The following CHODL variants were observed in gnomAD, a reference collection of about 807,000 sequenced individuals.
The protein encoded by CHODL is chondrolectin, also known as transmembrane protein MT75.
Under a neutral mutation model 34.5 loss-of-function variants are expected in CHODL, and 29 were observed. The observed-to-expected ratio is 0.84, with a 90% CI of 0.63 to 1.15. The LOEUF is 1.15. Among genes scored for constraint, CHODL ranks in the 50% most tolerant of loss-of-function variants. The pLI is 0.00. For missense variants in CHODL, 332 were observed against 332.5 expected (o/e 1.00, Z 0.01); for synonymous variants, 125 against 116.1 (o/e 1.08, Z -0.49).
intron 2 of CHODL, among the ~76,000 whole-genome samples, chr21:18,161,417 G>C (rs760477176): frequency 6.6e-6 from 1 of 152,076 alleles, no homozygotes; most frequent in Non-Finnish European, 1.5e-5. Flanking sequence ...TTCCAATTAA[G>C]TTGTAATCAT....
chr21:18,082,802 C>T (rs1015426284), intron 2 of CHODL, among the ~76,000 whole-genome samples: 3 of 151,968 alleles, frequency 2.0e-5, no homozygotes, highest in African/African-American at 4.8e-5. Flanking sequence ...CCTGGCTGCT[C>T]CTAACAGTGT....
intron 1 of CHODL, among the ~76,000 whole-genome samples, chr21:18,019,281 A>G (rs1229740809): frequency 6.6e-6 from 1 of 152,178 alleles, no homozygotes; most frequent in Non-Finnish European, 1.5e-5. Context: ...GGAAAGACCT[A>G]TATAGAGAAT....
intron 2 of CHODL, among the ~76,000 whole-genome samples, chr21:18,187,514 A>G (rs1000879539): frequency 1.3e-5 from 2 of 152,122 alleles, no homozygotes; most frequent in African/African-American, 4.8e-5. Context: ...TTATTGTGAT[A>G]TTATAGTTTA....
At chr21:18,152,500 G>A (rs988649823) in intron 2 of CHODL, among the ~76,000 whole-genome samples, 3 of 152,202 alleles carry the variant, frequency 2.0e-5, no homozygotes, top group African/African-American at 7.2e-5. Context: ...GCTCATTGAA[G>A]TTGTTGGAAT....
chr21:18,120,934 T>A (rs1257882449), intron 2 of CHODL, among the ~76,000 whole-genome samples: 2 of 152,230 alleles, frequency 1.3e-5, no homozygotes, highest in Non-Finnish European at 1.5e-5. Context: ...TTAGGGAAGA[T>A]GGCATGACAA....
intron 1 of CHODL, among the ~76,000 whole-genome samples, chr21:17,943,624 C>A (rs755994570): frequency 1.3e-5 from 2 of 152,204 alleles, no homozygotes; most frequent in Non-Finnish European, 2.9e-5. Flanking sequence ...CTTTCAAAAA[C>A]CGGAACACCT....
At chr21:18,145,345 G>T (rs2072864384) in intron 2 of CHODL, among the ~76,000 whole-genome samples, 1 of 145,722 alleles carries the variant, frequency 6.9e-6, no homozygotes, top group Non-Finnish European at 1.5e-5. Context: ...GCTGAGGCAG[G>T]AGAATGGCGT....
At chr21:18,261,717 T>C (rs1339684232) in intron 4 of CHODL, among the ~76,000 whole-genome samples, 2 of 152,134 alleles carry the variant, frequency 1.3e-5, no homozygotes, top group Non-Finnish European at 2.9e-5. Flanking sequence ...TTTTTCTCTT[T>C]TGAAATTGAG....
intron 2 of CHODL, among the ~76,000 whole-genome samples, chr21:18,070,164 A>G (rs1239158824): frequency 1.3e-5 from 2 of 151,346 alleles, no homozygotes; most frequent in East Asian, 1.9e-4. Flanking sequence ...AAAATCTCAC[A>G]CATCACCACT....
intron 2 of CHODL, among the ~76,000 whole-genome samples, chr21:18,174,890 C>T (rs546912012): frequency 6.6e-6 from 1 of 152,268 alleles, no homozygotes; most frequent in Admixed American, 6.5e-5. Flanking sequence ...TAGAGTAAAT[C>T]ATTGTGGTTT....
At chr21:17,977,714 C>T (rs2063675653) in intron 1 of CHODL, among the ~76,000 whole-genome samples, 1 of 147,730 alleles carries the variant, frequency 6.8e-6, no homozygotes. Flanking sequence ...GTCAAGAGAT[C>T]GAGACCATCC....
At chr21:17,928,579 A>G (rs892418108) in intron 1 of CHODL, among the ~76,000 whole-genome samples, 1 of 152,240 alleles carries the variant, frequency 6.6e-6, no homozygotes, top group South Asian at 2.1e-4. Flanking sequence ...ATTGGGTAAC[A>G]GTGGGGGCCA....
chr21:18,092,988 G>T (rs558556350), intron 2 of CHODL, among the ~76,000 whole-genome samples: 2 of 152,208 alleles, frequency 1.3e-5, no homozygotes, highest in East Asian at 3.9e-4. Flanking sequence ...GTACGAGAAG[G>T]TTATAGAACA....
intron 2 of CHODL, among the ~76,000 whole-genome samples, chr21:18,115,214 G>A (rs1216222012): frequency 6.6e-6 from 1 of 152,174 alleles, no homozygotes; most frequent in Non-Finnish European, 1.5e-5. Flanking sequence ...TGTAAATCAG[G>A]AGCCTATGTG....
At chr21:18,014,678 ACT>A (rs1000328006) in intron 1 of CHODL, among the ~76,000 whole-genome samples, 2 of 151,450 alleles carry the variant, frequency 1.3e-5, no homozygotes, top group Non-Finnish European at 2.9e-5. Flanking sequence ...CTTCACCTCT[ACT>A]CTCTCTCGTT....
intron 1 of CHODL, among the ~76,000 whole-genome samples, chr21:17,935,297 A>G (rs1308668748): frequency 2.0e-5 from 3 of 152,240 alleles, no homozygotes; most frequent in South Asian, 2.1e-4. Context: ...CATTTTATAA[A>G]TAATAGGTAA....
At chr21:18,158,910 A>G (rs986098504) in intron 2 of CHODL, among the ~76,000 whole-genome samples, 3 of 151,614 alleles carry the variant, frequency 2.0e-5, no homozygotes, top group African/African-American at 7.2e-5. Context: ...CAATTTTCTT[A>G]GTGTATTGTG....
intron 2 of CHODL, among the ~76,000 whole-genome samples, chr21:18,029,645 T>A (rs1231354506): frequency 6.6e-6 from 1 of 152,062 alleles, no homozygotes; most frequent in Non-Finnish European, 1.5e-5. Flanking sequence ...ATCTGGAACC[T>A]TCCTGTTTTG....
rs71189570 is a variant in CHODL, at chr21:17,937,081, C to CAAAAAA, written c.-145+19695_-145+19700dup. ...TGGGTGACAGGGTGAGACTCCATCT[C>CAAAAAA]AAAAAAAAAAAAAAAAAAATTAGGA... On this transcript the variant is annotated intron_variant, in intron 1 of 6. Coordinates refer to the CHODL transcript ENST00000400127. Among the ~76,000 whole-genome samples the CAAAAAA allele has an allele frequency of 4.2e-5, 4 of 94,704 alleles. No homozygotes were observed. The East Asian group carries it at 9.2e-4, about 22-fold the overall frequency. The allele number at this position is 94,704 out of a possible 152,430, so 62.1% of individuals were successfully genotyped here. A position where few individuals can be genotyped will look rare whatever the true frequency, so the allele number is the denominator to read the frequency against.
Sources: gnomAD v4.1 joint callset for allele counts (sites outside exome capture counted in the v4.1 genomes callset) on GRCh38, gnomAD v4.1.1 for gene constraint, MANE v1.5 for transcripts, NCBI Gene and HGNC (gene_info 2026-07-23, HGNC 2026-07-21) for gene names.